C1orf87: variants seen among roughly 807,000 people sequenced by gnomAD.
C1orf87 encodes uncharacterized protein C1orf87.
A neutral mutation model predicts 60.5 loss-of-function variants in C1orf87; 58 were observed. The observed-to-expected ratio is 0.96, with a 90% CI of 0.78 to 1.19. C1orf87 has a LOEUF of 1.19. Among genes scored for constraint, C1orf87 ranks in the 50% most tolerant of loss-of-function variants. The pLI is 0.00. For missense variants in C1orf87, 673 were observed against 638.6 expected, an observed-to-expected ratio of 1.05 and a Z score of -0.58; for synonymous variants, 236 against 227.4, an observed-to-expected ratio of 1.04 and a Z score of -0.34.
At chr1:60,043,728 AT>A (rs1171042354) in intron 3 of C1orf87, among the ~76,000 whole-genome samples, 2 of 152,114 alleles carry the variant, frequency 1.3e-5, no homozygotes, top group Non-Finnish European at 2.9e-5. Flanking sequence ...ACAGGACAAT[AT>A]GTTTCTTTGC....
chr1:60,000,982 C>T, intron 10 of C1orf87, 95 bp downstream of exon 10: 1 of 1,035,616 alleles, frequency 9.7e-7, no homozygotes. Flanking sequence ...GGGAGAAAAT[C>T]AAAACCCACA....
chr1:60,054,715 G>T (rs1208748500), intron 3 of C1orf87, among the ~76,000 whole-genome samples: 1 of 152,126 alleles, frequency 6.6e-6, no homozygotes, highest in African/African-American at 2.4e-5. Flanking sequence ...AAGTTAGTTT[G>T]TTATGAATTG....
At chr1:60,005,675 C>G (rs1295700299) in intron 9 of C1orf87, among the ~76,000 whole-genome samples, 1 of 151,926 alleles carries the variant, frequency 6.6e-6, no homozygotes, top group Non-Finnish European at 1.5e-5. Context: ...GAGAGCAGAG[C>G]CTGGGTGAGG....
intron 2 of C1orf87, among the ~76,000 whole-genome samples, chr1:60,061,835 C>T (rs1175690286): frequency 6.8e-6 from 1 of 146,428 alleles, no homozygotes; most frequent in Admixed American, 6.8e-5. Context: ...CCTGTAGTTC[C>T]AGCTACTTGG....
intron 2 of C1orf87, among the ~76,000 whole-genome samples, chr1:60,070,499 C>T (rs1645577118): frequency 1.3e-5 from 2 of 152,154 alleles, no homozygotes; most frequent in Admixed American, 1.3e-4. Flanking sequence ...GCATGAATGA[C>T]ATGATAGTGG....
intron 3 of C1orf87, among the ~76,000 whole-genome samples, chr1:60,044,532 A>G (rs546530835): frequency 8.5e-4 from 129 of 152,212 alleles, no homozygotes; most frequent in African/African-American, 2.9e-3. Context: ...TGCCTGGCTG[A>G]CACCCCCCCA....
chr1:60,039,450 T>C (rs964547248), intron 5 of C1orf87, among the ~76,000 whole-genome samples: 1 of 152,162 alleles, frequency 6.6e-6, no homozygotes, highest in Admixed American at 6.5e-5. Flanking sequence ...ATTCTCTGAG[T>C]CTCCTAAACA....
chr1:60,038,024 T>G lies in C1orf87; in HGVS notation c.831A>C (p.Arg277Ser). The G allele has an allele frequency of 6.2e-7, 1 of 1,610,886 alleles. No homozygotes were observed. The highest frequency in any genetic ancestry group is 8.5e-7 in the Non-Finnish European group (1 of 1,177,590). ...TATGAGTGCCATGACTCTCAGTTTT[T>G]CTCAGGTCTGCAGCTGCTTTATTTT... ...PQQNKAAADL[R>S]KTESHGTHSQ... The change falls in exon 6 of 12, where the codon AGA becomes AGC. Residue 277 changes from arginine (R) to serine (S), a missense_variant. Coordinates refer to ENST00000371201, the MANE Select transcript of C1orf87 (RefSeq NM_152377.3).
At chr1:59,991,025 A>G (rs1200428795) in intron 11 of C1orf87, among the ~76,000 whole-genome samples, 192 bp from the exon 12 acceptor site, 1 of 152,218 alleles carries the variant, frequency 6.6e-6, no homozygotes, top group Non-Finnish European at 1.5e-5. Flanking sequence ...GATTTCAGGA[A>G]GAATCTGAGG....
At chr1:60,011,409 C>T (rs567957912) in intron 8 of C1orf87, among the ~76,000 whole-genome samples, 3 of 151,938 alleles carry the variant, frequency 2.0e-5, no homozygotes, top group South Asian at 2.1e-4. Flanking sequence ...TCTAGTTAAT[C>T]TCAATCTATT....
intron 10 of C1orf87, among the ~76,000 whole-genome samples, chr1:60,000,309 C>G (rs941255689): frequency 1.3e-5 from 2 of 152,028 alleles, no homozygotes; most frequent in Admixed American, 1.3e-4. Context: ...AAACAAGAAG[C>G]AAAATAAAAG....
chr1:60,062,212 T>A (rs1645502101), intron 2 of C1orf87, among the ~76,000 whole-genome samples: 1 of 152,194 alleles, frequency 6.6e-6, no homozygotes, highest in South Asian at 2.1e-4. Context: ...GCACCATAAC[T>A]TGCAGTTCTC....
intron 3 of C1orf87, among the ~76,000 whole-genome samples, chr1:60,046,607 T>A (rs1166934938): frequency 6.6e-6 from 1 of 151,822 alleles, no homozygotes; most frequent in African/African-American, 2.4e-5. Flanking sequence ...CCCAGCTAAC[T>A]TTTTGTTTTT....
intron 10 of C1orf87, among the ~76,000 whole-genome samples, chr1:60,000,420 G>C (rs1644993861): frequency 6.6e-6 from 1 of 152,076 alleles, no homozygotes; most frequent in Non-Finnish European, 1.5e-5. Flanking sequence ...TTGCCAAAAT[G>C]GGTACTATTT....
At chr1:60,053,350 C>T (rs1645427913) in intron 3 of C1orf87, among the ~76,000 whole-genome samples, 1 of 152,170 alleles carries the variant, frequency 6.6e-6, no homozygotes, top group Non-Finnish European at 1.5e-5. Context: ...TAGCAAGGCC[C>T]TTGACCTCTC....
intron 9 of C1orf87, among the ~76,000 whole-genome samples, chr1:60,003,928 T>A (rs1440460966): frequency 6.6e-6 from 1 of 152,040 alleles, no homozygotes; most frequent in Admixed American, 6.6e-5. Context: ...TAATAGTGGC[T>A]AAATGAAGAG....
At chr1:60,040,890 G>GC (rs1334095180) in intron 4 of C1orf87, 101 bp downstream of exon 4, 1 of 1,329,394 alleles carries the variant, frequency 7.5e-7, no homozygotes, top group Non-Finnish European at 1.0e-6. Flanking sequence ...ACTATGACCA[G>GC]CCCTCAGACC....
chr1:59,998,158 T>G lies in C1orf87; in HGVS notation c.1273-342A>C, dbSNP rs1390988292. ...CTAGTGGGGTCTGCAGGGGGTAGAC[T>G]TCAGACAATGCTCATACTTCTTGAA... On this transcript the variant is annotated intron_variant, in intron 10 of 11. Transcript: ENST00000371201. Among the ~76,000 whole-genome samples, 4 of 132,896 alleles carry G rather than the reference T, an allele frequency of 3.0e-5. No homozygotes were observed. In the Admixed American group the frequency reaches 3.3e-4, roughly 11 times the overall value. 87.2% of individuals were successfully genotyped at this position (132,896 alleles called of 152,430 possible).
intron 3 of C1orf87, among the ~76,000 whole-genome samples, chr1:60,050,899 C>A (rs1342289859): frequency 6.6e-6 from 1 of 152,110 alleles, no homozygotes. Context: ...ATGGCAACAT[C>A]TACTGTAGAA....
Sources: gnomAD v4.1 joint callset for allele counts (sites outside exome capture counted in the v4.1 genomes callset) on GRCh38, gnomAD v4.1.1 for gene constraint, MANE v1.5 for transcripts, NCBI Gene and HGNC (gene_info 2026-07-23, HGNC 2026-07-21) for gene names.